Variants in KHDRBS2 observed in about 807,000 individuals in gnomAD.
The protein encoded by KHDRBS2 is KH RNA binding domain containing, signal transduction associated 2, also known as KH domain-containing, RNA-binding, signal transduction-associated protein 2.
A neutral mutation model predicts 44.3 loss-of-function variants in KHDRBS2; 26 were observed. The observed-to-expected ratio is 0.59, with a 90% CI of 0.43 to 0.81. The LOEUF is 0.81. KHDRBS2 is among the 40% of genes least tolerant of loss of function. The probability of loss-of-function intolerance (pLI) is 0.00; values close to 1 mark genes in which losing one functional copy is unlikely to be tolerated. For synonymous variants in KHDRBS2, 194 were observed against 151.1 expected (o/e 1.28, Z -2.08); for missense variants, 476 against 433.1 (o/e 1.10, Z -0.88).
intron 6 of KHDRBS2, among the ~76,000 whole-genome samples, chr6:61,743,933 T>C (rs1450590827): frequency 6.6e-6 from 1 of 151,944 alleles, no homozygotes; most frequent in Non-Finnish European, 1.5e-5. Flanking sequence ...TCCAGTTTCA[T>C]CCATGTCCCT....
chr6:62,212,284 C>T (rs1563072553), intron 1 of KHDRBS2, among the ~76,000 whole-genome samples: 1 of 151,458 alleles, frequency 6.6e-6, no homozygotes, highest in East Asian at 1.9e-4. Context: ...ATATGAAATA[C>T]ATAAAATATT....
At chr6:61,869,848 G>A (rs1316501395) in intron 6 of KHDRBS2, among the ~76,000 whole-genome samples, 2 of 152,066 alleles carry the variant, frequency 1.3e-5, no homozygotes, top group African/African-American at 4.8e-5. Context: ...TTTTCCCACG[G>A]TCTTCACAAC....
intron 7 of KHDRBS2, among the ~76,000 whole-genome samples, chr6:61,724,846 C>A (rs1773294101): frequency 6.6e-6 from 1 of 152,066 alleles, no homozygotes; most frequent in African/African-American, 2.4e-5. Context: ...CTTAGGACTC[C>A]CATACAATAG....
At chr6:62,087,112 A>T (rs956254261) in intron 2 of KHDRBS2, among the ~76,000 whole-genome samples, 4 of 152,192 alleles carry the variant, frequency 2.6e-5, no homozygotes, top group Non-Finnish European at 5.9e-5. Context: ...TCAGAAAAAT[A>T]TAAGTTCACA....
At chr6:62,101,764 G>A (rs918203673) in intron 2 of KHDRBS2, among the ~76,000 whole-genome samples, 1 of 152,180 alleles carries the variant, frequency 6.6e-6, no homozygotes, top group African/African-American at 2.4e-5. Context: ...ATATAGGAAT[G>A]TTAATTTTTG....
At chr6:61,647,404 G>C in the KHDRBS2 span, among the ~76,000 whole-genome samples, 1 of 152,016 alleles carries the variant, frequency 6.6e-6, no homozygotes, top group African/African-American at 2.4e-5. Context: ...TGGTGTTTAT[G>C]TAAGCTAATG....
intron 1 of KHDRBS2, among the ~76,000 whole-genome samples, chr6:62,191,284 C>T (rs1373985110): frequency 1.3e-5 from 2 of 152,090 alleles, no homozygotes; most frequent in African/African-American, 2.4e-5. Flanking sequence ...GAAACAGGCA[C>T]GTTGTAGTCT....
intron 6 of KHDRBS2, among the ~76,000 whole-genome samples, chr6:61,808,623 C>A (rs1787565178): frequency 6.6e-6 from 1 of 152,070 alleles, no homozygotes; most frequent in African/African-American, 2.4e-5. Context: ...AAGGATAAAA[C>A]ATCAAAAAAT....
At chr6:61,923,866 A>C (rs1180957322) in intron 4 of KHDRBS2, among the ~76,000 whole-genome samples, 1 of 152,226 alleles carries the variant, frequency 6.6e-6, no homozygotes, top group Admixed American at 6.6e-5. Context: ...AACAAGTTAA[A>C]CTGCATTGGG....
At chr6:61,599,359 A>C in the KHDRBS2 span, among the ~76,000 whole-genome samples, 1 of 152,196 alleles carries the variant, frequency 6.6e-6, no homozygotes, top group East Asian at 1.9e-4. Flanking sequence ...TAAATGATTC[A>C]AGCCAATGAG....
the KHDRBS2 span, among the ~76,000 whole-genome samples, chr6:61,584,775 A>C: frequency 2.0e-5 from 3 of 151,914 alleles, no homozygotes; most frequent in African/African-American, 7.2e-5. Flanking sequence ...ACAGAATCTG[A>C]AGTAGAGATT....
At chr6:61,672,204 C>T in the KHDRBS2 span, among the ~76,000 whole-genome samples, 2 of 150,310 alleles carry the variant, frequency 1.3e-5, no homozygotes, top group Non-Finnish European at 3.0e-5. Context: ...CATAGTATTC[C>T]ATGGTGTATA....
the KHDRBS2 span, among the ~76,000 whole-genome samples, chr6:61,637,209 G>A: frequency 2.8e-5 from 4 of 145,292 alleles, no homozygotes; most frequent in Non-Finnish European, 6.0e-5. Context: ...ACAGTACCCA[G>A]AGTGTGATGT....
intron 6 of KHDRBS2, among the ~76,000 whole-genome samples, chr6:61,779,226 A>G (rs1782566869): frequency 6.6e-6 from 1 of 152,186 alleles, no homozygotes. Context: ...AAAAATATTT[A>G]TATAGTCTTT....
At chr6:62,118,640 T>C (rs1386076017) in intron 2 of KHDRBS2, among the ~76,000 whole-genome samples, 1 of 152,126 alleles carries the variant, frequency 6.6e-6, no homozygotes, top group Non-Finnish European at 1.5e-5. Context: ...CTACCCTCAA[T>C]CTGGGTGGGC....
rs182636137 is a variant in KHDRBS2, at chr6:61,992,113, G to A, written c.337-13901C>T. Among the ~76,000 whole-genome samples, 36 of 152,156 alleles carry A rather than the reference G, an allele frequency of 2.4e-4. No individual in the cohort carries two copies. The East Asian group carries it at 6.6e-3, about 28-fold the overall frequency. ...GTACTCAAAGTCAATAAATGCCAGG[G>A]GCAGAAAATATATACTGTTGCTACT... On this transcript the variant is annotated intron_variant, in intron 3 of 8. Transcript: ENST00000281156.
chr6:62,285,476 G>A (rs550867999), intron 1 of KHDRBS2, among the ~76,000 whole-genome samples: 2 of 152,282 alleles, frequency 1.3e-5, no homozygotes, highest in Admixed American at 6.5e-5. Flanking sequence ...CCGATCTGTA[G>A]CTACGAAGCT....
intron 4 of KHDRBS2, among the ~76,000 whole-genome samples, chr6:61,966,114 A>G (rs1769879898): frequency 6.8e-6 from 1 of 147,642 alleles, no homozygotes; most frequent in African/African-American, 2.4e-5. Context: ...ACTGTACTAT[A>G]ATTGACATAG....
the KHDRBS2 span, among the ~76,000 whole-genome samples, chr6:61,641,547 C>T: frequency 3.3e-5 from 5 of 152,168 alleles, no homozygotes; most frequent in African/African-American, 7.2e-5. Flanking sequence ...CATCCCTTAG[C>T]ATGTAACCTT....
Sources: gnomAD v4.1 joint callset for allele counts (sites outside exome capture counted in the v4.1 genomes callset) on GRCh38, gnomAD v4.1.1 for gene constraint, MANE v1.5 for transcripts, NCBI Gene and HGNC (gene_info 2026-07-23, HGNC 2026-07-21) for gene names.